The following CAD variants were observed in gnomAD, a reference collection of about 807,000 sequenced individuals.
CAD encodes the protein multifunctional protein CAD.
CAD carries 81 observed loss-of-function variants against 237.2 expected under a neutral mutation model. The observed-to-expected ratio is 0.34, with a 90% CI of 0.29 to 0.41. CAD has a LOEUF of 0.41. Among genes scored for constraint, CAD ranks in the 10% least tolerant of loss-of-function variants. The probability of loss-of-function intolerance (pLI) is 1.00; values close to 1 mark genes in which losing one functional copy is unlikely to be tolerated. For synonymous variants in CAD, 1,196 were observed against 1,162.8 expected (o/e 1.03, Z -0.58); for missense variants, 2,181 against 2,951.7 (o/e 0.74, Z 6.05).
At chr2:27,229,644 G>C (rs1469550440) in intron 15 of CAD, among the ~76,000 whole-genome samples, 1 of 152,070 alleles carries the variant, frequency 6.6e-6, no homozygotes, top group Non-Finnish European at 1.5e-5. Flanking sequence ...TTGGGAGGGT[G>C]AGGTGGGCAT....
Position 27,242,493 on chromosome 2 carries a change from T to G in CAD, c.6222+66T>G, listed in dbSNP as rs1030199630. ...ATCTAGAGAGGGAGGCAGGAAGTGG[T>G]TACCCCGGTACAGGACAGCTGCATC... On this transcript the variant is annotated intron_variant, in intron 40 of 43. Transcript: ENST00000264705. This position sits in a 1 kb window ranked among gnomAD's most constrained non-coding sequence, Gnocchi z 6.4. 1.3e-5 allele frequency: 20 copies of G among 1,588,060 alleles called. No individual in the cohort carries two copies. The highest frequency in any genetic ancestry group is 1.7e-5 in the Admixed American group (1 of 58,374).
In CAD at chr2:27,234,414, A is replaced by G. The variant is rs1675904856; in HGVS notation, c.3619-104A>G. ...CAGTCAGTGACCCTGAACCCTGCTC[A>G]GTCTGATCCCCCAGAGCTGAGGACG... On this transcript the variant is annotated intron_variant, in intron 22 of 43. Coordinates refer to ENST00000264705, the MANE Select transcript of CAD (RefSeq NM_004341.5). 17 of 1,254,248 alleles carry G rather than the reference A, an allele frequency of 1.4e-5. No homozygotes were observed. In the South Asian group the frequency reaches 1.7e-4, roughly 13 times the overall value. 77.7% of individuals were successfully genotyped at this position (1,254,248 alleles called of 1,614,324 possible).
intron 2 of CAD, 60 bp downstream of exon 2, chr2:27,218,076 G>A (rs1441064334): frequency 1.4e-6 from 2 of 1,458,858 alleles, no homozygotes; most frequent in Non-Finnish European, 9.3e-7. Context: ...TTAACTATTA[G>A]TGAAGTAGGA....
chr2:27,240,458 A>G lies in CAD; in HGVS notation c.5593+97A>G. 2.0e-6 allele frequency: 3 copies of G among 1,468,614 alleles called. No homozygotes were observed. In the South Asian group the frequency reaches 3.4e-5, roughly 17 times the overall value. 91.0% of individuals were successfully genotyped at this position (1,468,614 alleles called of 1,614,324 possible). A position where few individuals can be genotyped will look rare whatever the true frequency, so the allele number is the denominator to read the frequency against. On this transcript the variant is annotated intron_variant, in intron 35 of 43. Transcript: ENST00000264705. The surrounding 1 kb of genome is among the most constrained non-coding windows in gnomAD (Gnocchi z 4.6). Reference sequence around the variant, plus strand: ...TCTCTACTTACATGTCCTCCTCTCCATCCCTTTATCCTCGTCTGATCTGCC... The same window carrying G: ...TCTCTACTTACATGTCCTCCTCTCCGTCCCTTTATCCTCGTCTGATCTGCC...
At chr2:27,230,986 A>C (rs1675722864) in intron 15 of CAD, among the ~76,000 whole-genome samples, 1 of 152,172 alleles carries the variant, frequency 6.6e-6, no homozygotes, top group South Asian at 2.1e-4. Context: ...CTATAAGTTA[A>C]GATTTCTTTT....
chr2:27,231,608 C>T (rs1675761034), intron 16 of CAD, 28 bp downstream of exon 16: 2 of 1,372,884 alleles, frequency 1.5e-6, no homozygotes, highest in Admixed American at 1.7e-5. Flanking sequence ...CCTGGCAATA[C>T]CCCTAAAATA....
In CAD at chr2:27,232,419, C is replaced by G; in HGVS notation, c.2646-29C>G. Reference sequence around the variant, plus strand: ...TCAGTCTGTACCCTACTCTCTGGGCCTGTGTTTCAGACCCTTTTTCTATTT... The same window carrying G: ...TCAGTCTGTACCCTACTCTCTGGGCGTGTGTTTCAGACCCTTTTTCTATTT... On this transcript the variant is annotated intron_variant, in intron 17 of 43. Transcript: ENST00000264705. The surrounding 1 kb of genome is among the most constrained non-coding windows in gnomAD (Gnocchi z 4.1). 6.2e-7 allele frequency: 1 copy of G among 1,613,536 alleles called. No individual in the cohort carries two copies.
chr2:27,236,175 G>C lies in CAD; in HGVS notation c.4075-109G>C. 1 of 1,448,790 alleles carries C rather than the reference G, an allele frequency of 6.9e-7. No homozygotes were observed. Among genetic ancestry groups the C allele is most frequent in the Non-Finnish European group, 9.3e-7 (1 of 1,069,736 alleles). The allele number at this position is 1,448,790 out of a possible 1,614,324, so 89.7% of individuals were successfully genotyped here. On this transcript the variant is annotated intron_variant, in intron 25 of 43. Transcript: ENST00000264705. The surrounding 1 kb of genome is among the most constrained non-coding windows in gnomAD (Gnocchi z 4.1). ...GCAGCCCTCAGTGCCCACCCTATGG[G>C]TCCTCAGTCTCCTCATCATGGGCTC...
chr2:27,243,498 A>C lies in CAD; in HGVS notation c.6658A>C (p.Thr2220Pro). ...GMYIRMALLA[T>P]VLGRF ...GTACATCCGCATGGCTCTGTTAGCCACCGTGCTGGGCCGTTTCTAGGGCCT... is the reference window on the plus strand; with the variant it reads ...GTACATCCGCATGGCTCTGTTAGCCCCCGTGCTGGGCCGTTTCTAGGGCCT... The change falls in exon 44 of 44, where the codon ACC (threonine) becomes CCC (proline). Residue 2220 changes from threonine to proline, a missense_variant. By Grantham distance (38) the Thr-to-Pro change is conservative. Coordinates refer to ENST00000264705, the MANE Select transcript of CAD (RefSeq NM_004341.5). 6.3e-7 allele frequency: 1 copy of C among 1,590,482 alleles called. No homozygotes were observed. Among genetic ancestry groups the C allele is most frequent in the Non-Finnish European group, 8.5e-7 (1 of 1,172,256 alleles).
intron 2 of CAD, among the ~76,000 whole-genome samples, chr2:27,220,202 G>A (rs991522195): frequency 1.3e-5 from 2 of 152,050 alleles, no homozygotes; most frequent in Non-Finnish European, 2.9e-5. Flanking sequence ...TCTCTGTTTC[G>A]TGACAAAGAC....
Position 27,241,310 on chromosome 2 carries a change from G to C in CAD, c.5809-12G>C. 6.2e-7 allele frequency: 1 copy of C among 1,614,164 alleles called. No homozygotes were observed. ...GCTAGGACCTTTCTAGCTAACTTGG[G>C]CTCTTTCTTAGATGTCTCACCTGTT... On this transcript the variant is annotated splice_polypyrimidine_tract_variant and intron_variant, in intron 37 of 43. Transcript: ENST00000264705. The surrounding 1 kb of genome is among the most constrained non-coding windows in gnomAD (Gnocchi z 4.6).
intron 16 of CAD, 59 bp downstream of exon 16, chr2:27,231,639 C>T: frequency 9.7e-7 from 1 of 1,029,098 alleles, no homozygotes; most frequent in Non-Finnish European, 1.5e-6. Context: ...CTCATCGCCC[C>T]CAGACCATGA....
chr2:27,217,520 C>T lies in CAD; in HGVS notation c.-32C>T, dbSNP rs772737028. ...GAGTTTGCAGTCCTTCCCGCTTCTC[C>T]GTACTCGCCCCCGCCTCTGAGCTCC... On this transcript the variant is annotated 5_prime_UTR_variant, in exon 1 of 44. Transcript: ENST00000264705. The T allele has an allele frequency of 1.3e-6, 2 of 1,560,480 alleles. No individual in the cohort carries two copies. Among genetic ancestry groups the T allele is most frequent in the Non-Finnish European group, 1.7e-6 (2 of 1,145,014 alleles).
At position 27,233,873 on chromosome 2, in the gene CAD, T is replaced by C; in HGVS notation, c.3399+65T>C. 1 of 1,583,784 alleles carries C rather than the reference T, an allele frequency of 6.3e-7. No homozygotes were observed. Among genetic ancestry groups the C allele is most frequent in the South Asian group, 1.1e-5 (1 of 90,030 alleles). Reference sequence around the variant, plus strand: ...GCCAGCCCTGGAGGAGACTTCCTTCTCTGGTCCAGCAGAATCATAGGCACC... The same window carrying C: ...GCCAGCCCTGGAGGAGACTTCCTTCCCTGGTCCAGCAGAATCATAGGCACC... On this transcript the variant is annotated intron_variant, in intron 21 of 43. Coordinates refer to ENST00000264705, the MANE Select transcript of CAD (RefSeq NM_004341.5). The surrounding 1 kb of genome is among the most constrained non-coding windows in gnomAD (Gnocchi z 6.3).
Position 27,234,557 on chromosome 2 carries a change from T to G in CAD, c.3658T>G (p.Ser1220Ala). 1 of 1,614,064 alleles carries G rather than the reference T, an allele frequency of 6.2e-7. No homozygotes were observed. The highest frequency in any genetic ancestry group is 8.5e-7 in the Non-Finnish European group (1 of 1,179,926). Residue 1220 changes from serine to alanine, a missense_variant, in exon 23 of 44, where the codon TCT (serine) becomes GCT (alanine). Physicochemically the swap from Ser to Ala is moderately conservative, Grantham distance 99. Around this residue, in one of 12 missense-constraint regions of CAD, gnomAD observed 306 missense variants for 607.9 expected, o/e 0.50. Transcript: ENST00000264705. Reference protein sequence around the residue: ...LKVIECNVRVSRSFPFVSKTL... With the variant: ...LKVIECNVRVARSFPFVSKTL... The stretch of plus-strand genomic sequence containing the variant: ...AGTTATTGAATGCAACGTACGTGTC[T>G]CTCGCTCCTTCCCCTTCGTTTCCAA...
chr2:27,220,852 G>A (rs1391335914), intron 2 of CAD, among the ~76,000 whole-genome samples: 1 of 152,080 alleles, frequency 6.6e-6, no homozygotes, highest in Non-Finnish European at 1.5e-5. Flanking sequence ...CAGCTACTCG[G>A]GAGGCTAAAG....
Position 27,226,605 on chromosome 2 carries a change from T to C in CAD, c.2112T>C (p.Tyr704=), listed in dbSNP as rs753357116. 1.9e-6 allele frequency: 3 copies of C among 1,614,194 alleles called. No homozygotes were observed. Among genetic ancestry groups the C allele is most frequent in the Admixed American group, 1.7e-5 (1 of 60,022 alleles). ...ASKATGYPLA[Y]VAAKLALGIP... The stretch of plus-strand genomic sequence containing the variant: ...AGGCCACAGGTTATCCACTGGCTTA[T>C]GTGGCAGCCAAGCTAGCATTGGGCA... Residue 704 remains tyrosine, a synonymous_variant, in exon 14 of 44, where the codon TAT becomes TAC. Coordinates refer to ENST00000264705, the MANE Select transcript of CAD (RefSeq NM_004341.5).
In CAD at chr2:27,240,366, G is replaced by C. The variant is rs202017225; in HGVS notation, c.5593+5G>C. ...CCTCCGACCCAGGTTTGCCAGGTAA[G>C]AGTGGGGTTCCTGTGACTCAGAGAC... On this transcript the variant is annotated splice_donor_5th_base_variant and intron_variant, in intron 35 of 43. Coordinates refer to ENST00000264705, the MANE Select transcript of CAD (RefSeq NM_004341.5). This position sits in a 1 kb window ranked among gnomAD's most constrained non-coding sequence, Gnocchi z 4.6. 1 of 1,613,682 alleles carries C rather than the reference G, an allele frequency of 6.2e-7. No homozygotes were observed. The highest frequency in any genetic ancestry group is 1.3e-5 in the African/African-American group (1 of 75,046).
rs1675831015 is a variant in CAD, at chr2:27,232,959, G to T, written c.2893-83G>T. 3.1e-6 allele frequency: 3 copies of T among 964,754 alleles called. No homozygotes were observed. Among genetic ancestry groups the T allele is most frequent in the Non-Finnish European group, 5.0e-6 (3 of 594,822 alleles). 59.8% of individuals were successfully genotyped at this position (964,754 alleles called of 1,614,324 possible). A position where few individuals can be genotyped will look rare whatever the true frequency, so the allele number is the denominator to read the frequency against. ...CTGTGCTGGCAGTCTCTGAAGTAGG[G>T]GCTTTGGCTTAGTTTCTCCACGATT... is the stretch of plus-strand genomic sequence containing the variant. On this transcript the variant is annotated intron_variant, in intron 18 of 43. Transcript: ENST00000264705. The surrounding 1 kb of genome is among the most constrained non-coding windows in gnomAD (Gnocchi z 4.1).
Sources: gnomAD v4.1 joint callset for allele counts (sites outside exome capture counted in the v4.1 genomes callset) on GRCh38, gnomAD v4.1.1 for gene constraint, gnomAD v4.1.1 regional missense constraint, Gnocchi (gnomAD v3.1) non-coding constraint, MANE v1.5 for transcripts, NCBI Gene and HGNC (gene_info 2026-07-23, HGNC 2026-07-21) for gene names.